Variants in SNED1 observed in about 807,000 individuals in gnomAD.
SNED1 encodes the protein sushi, nidogen and EGF-like domain-containing protein 1.
Under a neutral mutation model 166.7 loss-of-function variants are expected in SNED1, and 81 were observed. The observed-to-expected ratio is 0.49, with a 90% CI of 0.41 to 0.58. The LOEUF (loss-of-function observed/expected upper bound fraction) is 0.58. Among genes scored for constraint, SNED1 ranks in the 20% least tolerant of loss-of-function variants. The pLI is 0.00. For synonymous variants in SNED1, 762 were observed against 822.0 expected (o/e 0.93, Z 1.25); for missense variants, 1,604 against 2,000.2 (o/e 0.80, Z 3.78).
chr2:241,087,941 C>T (rs186624394), intron 30 of SNED1: 5 of 404,246 alleles, frequency 1.2e-5, no homozygotes, highest in Admixed American at 8.4e-5. Context: ...ACCACAGAGT[C>T]GAAGCCTGTC....
At chr2:241,049,997 CCTG>C (rs753907137) in intron 12 of SNED1, 64 bp downstream of exon 12, 143 of 1,176,802 alleles carry the variant, frequency 1.2e-4, no homozygotes, top group Non-Finnish European at 1.8e-4. Context: ...GGTCCGCCGT[CCTG>C]CTTCTCTGCT....
At position 241,064,845 on chromosome 2, in the gene SNED1, G is replaced by T; in HGVS notation, c.2601G>T (p.Val867=). The T allele has an allele frequency of 1.3e-6, 2 of 1,584,240 alleles. No individual in the cohort carries two copies. The highest frequency in any genetic ancestry group is 1.7e-6 in the Non-Finnish European group (2 of 1,170,544). ...CACTGCCACTTTTTCTCCCCTCAGT[G>T]AGTGACCCCTGCTTCTCCAGCCCCT... ...ESFFGYHCET[V]SDPCFSSPCG... The change falls in exon 20 of 32, where the codon GTG becomes GTT. Residue 867 remains valine, a splice_region_variant and synonymous_variant. Coordinates refer to ENST00000310397, the MANE Select transcript of SNED1 (RefSeq NM_001080437.3). The surrounding 1 kb of genome is among the most constrained non-coding windows in gnomAD (Gnocchi z 7.0).
At chr2:241,081,883 G>C in intron 28 of SNED1, 90 bp downstream of exon 28, 1 of 1,001,736 alleles carries the variant, frequency 1.0e-6, no homozygotes, top group Non-Finnish European at 1.5e-6. Flanking sequence ...TTTGCCACGG[G>C]AGCCTCCAAA....
chr2:241,069,026 G>A lies in SNED1; in HGVS notation c.3307+3G>A, dbSNP rs764074544. ...CGCGCCGACGCACGTGTGGACCCGT[G>A]AGTAGAGCAGCGCGGCCCCCGGCAC... is the stretch of plus-strand genomic sequence containing the variant. On this transcript the variant is annotated splice_donor_region_variant and intron_variant, in intron 23 of 31. Coordinates refer to ENST00000310397, the MANE Select transcript of SNED1 (RefSeq NM_001080437.3). This position sits in a 1 kb window ranked among gnomAD's most constrained non-coding sequence, Gnocchi z 4.9. 10 of 1,545,670 alleles carry A rather than the reference G, an allele frequency of 6.5e-6. No individual in the cohort carries two copies. Among genetic ancestry groups the A allele is most frequent in the Admixed American group, 2.0e-5 (1 of 50,622 alleles).
rs553912200 is a variant in SNED1, at chr2:241,018,489, C to T, written c.214-11795C>T. ...TGTTCACTCAGCCCCCTGCACGTCCCGGGGTCTAAGGTGGTCCCTGGTCAG... is the reference window on the plus strand; with the variant it reads ...TGTTCACTCAGCCCCCTGCACGTCCTGGGGTCTAAGGTGGTCCCTGGTCAG... On this transcript the variant is annotated intron_variant, in intron 1 of 31. Coordinates refer to ENST00000310397, the MANE Select transcript of SNED1 (RefSeq NM_001080437.3). This position sits in a 1 kb window ranked among gnomAD's most constrained non-coding sequence, Gnocchi z 5.4. Among the ~76,000 whole-genome samples, 1 of 152,338 alleles carries T rather than the reference C, an allele frequency of 6.6e-6. No homozygotes were observed. Among genetic ancestry groups the T allele is most frequent in the African/African-American group, 2.4e-5 (1 of 41,572 alleles).
At chr2:241,039,661 C>T (rs993510071) in intron 6 of SNED1, among the ~76,000 whole-genome samples, 2 of 152,114 alleles carry the variant, frequency 1.3e-5, no homozygotes, top group African/African-American at 4.8e-5. Flanking sequence ...CCCCAGGGGC[C>T]ACTCCTACAC....
At chr2:241,034,545 C>T (rs762518120) in intron 3 of SNED1, 23 bp from the exon 4 acceptor site, 6 of 1,567,482 alleles carry the variant, frequency 3.8e-6, no homozygotes, top group East Asian at 2.3e-5. Flanking sequence ...GCCTCCCTCA[C>T]TCTGCCCCCA....
intron 1 of SNED1, among the ~76,000 whole-genome samples, chr2:241,011,165 C>A (rs186948474): frequency 0.032 from 4,617 of 142,976 alleles, 140 homozygotes; most frequent in Non-Finnish European, 0.052. Flanking sequence ...CTGGGGGTGG[C>A]AGGTCTCCTG....
rs201928127 is a variant in SNED1 at position 241,013,100 on chromosome 2, A to C, written c.213+14050A>C. On this transcript the variant is annotated intron_variant, in intron 1 of 31. Transcript: ENST00000310397. The surrounding 1 kb of genome is among the most constrained non-coding windows in gnomAD (Gnocchi z 4.6). ...CCGCCTGTCTCAGCCTCCCAAAGTG[A>C]TGGGATTACAGGCGTGAGCCACCGC... Among the ~76,000 whole-genome samples the C allele has an allele frequency of 6.6e-6, 1 of 151,502 alleles. No individual in the cohort carries two copies. The highest frequency in any genetic ancestry group is 1.5e-5 in the Non-Finnish European group (1 of 67,824).
chr2:241,052,470 TGA>T lies in SNED1; in HGVS notation c.2083+6_2083+7del, dbSNP rs1245444420. Reference sequence around the variant, plus strand: ...ACATGGGACGCCGGTGCCAGGCAGGTGAGAGGGTCAGGGGGATCAAGCAGGGT... The same window carrying T: ...ACATGGGACGCCGGTGCCAGGCAGGTGAGGGTCAGGGGGATCAAGCAGGGT... On this transcript the variant is annotated splice_donor_region_variant and intron_variant, in intron 15 of 31. Transcript: ENST00000310397. 6.2e-6 allele frequency: 10 copies of T among 1,603,302 alleles called. No individual in the cohort carries two copies. Among genetic ancestry groups the T allele is most frequent in the Non-Finnish European group, 8.5e-6 (10 of 1,173,848 alleles).
At chr2:241,089,475 C>T (rs556041464) in intron 31 of SNED1, 1 of 1,520,608 alleles carries the variant, frequency 6.6e-7, no homozygotes, top group Non-Finnish European at 8.8e-7. Flanking sequence ...GTCCACACCC[C>T]CTTGGGGGAA....
chr2:241,071,722 TA>T lies in SNED1; in HGVS notation c.3734+3del. 3.8e-6 allele frequency: 4 copies of T among 1,039,404 alleles called. No individual in the cohort carries two copies. Among genetic ancestry groups the T allele is most frequent in the Non-Finnish European group, 5.3e-6 (4 of 753,384 alleles). 64.4% of individuals were successfully genotyped at this position (1,039,404 alleles called of 1,614,324 possible). A position where few individuals can be genotyped will look rare whatever the true frequency, so the allele number is the denominator to read the frequency against. On this transcript the variant is annotated splice_donor_region_variant and intron_variant, in intron 25 of 31. Coordinates refer to ENST00000310397, the MANE Select transcript of SNED1 (RefSeq NM_001080437.3). The stretch of plus-strand genomic sequence containing the variant: ...CGAGACCCCCACCCAGCCCCCCAGG[TA>T]CATGCCCCACCCATCGGCCCCATCG...
intron 30 of SNED1, chr2:241,087,681 C>G: frequency 7.3e-7 from 1 of 1,368,984 alleles, no homozygotes; most frequent in Non-Finnish European, 9.4e-7. Flanking sequence ...AGGGGCACAG[C>G]CGGGCATGCT....
In SNED1 at chr2:241,067,875, C is replaced by T; in HGVS notation, c.3122C>T (p.Ser1041Phe). 1 of 1,613,534 alleles carries T rather than the reference C, an allele frequency of 6.2e-7. No homozygotes were observed. The highest frequency in any genetic ancestry group is 8.5e-7 in the Non-Finnish European group (1 of 1,179,848). The part of the protein sequence containing the change: ...RHATVSGVRV[S>F]IRHPEALRDQ... ...GCCACCGTCAGTGGGGTCCGTGTGT[C>T]CATCCGCCACCCTGAGGCCCTCAGG... The change falls in exon 22 of 32, where the codon TCC (serine) becomes TTC (phenylalanine). Residue 1041 changes from serine to phenylalanine, a missense_variant. Physicochemically the swap from Ser to Phe is radical, Grantham distance 155. This residue lies in a region of SNED1 where 1,237 missense variants were observed against 1,620.8 expected (regional missense o/e 0.76). Coordinates refer to ENST00000310397, the MANE Select transcript of SNED1 (RefSeq NM_001080437.3).
At chr2:241,058,666 T>G (rs775400639) in intron 16 of SNED1, among the ~76,000 whole-genome samples, 1 of 152,174 alleles carries the variant, frequency 6.6e-6, no homozygotes, top group Non-Finnish European at 1.5e-5. Flanking sequence ...ATCATTAAAA[T>G]TGGGCCGGGC....
intron 1 of SNED1, among the ~76,000 whole-genome samples, chr2:241,005,733 T>A (rs2106542357): frequency 6.6e-6 from 1 of 152,316 alleles, no homozygotes; most frequent in East Asian, 1.9e-4. Flanking sequence ...TGTCTTCTGA[T>A]TGGCATAGTT....
rs78834190 is a variant in SNED1, at chr2:241,093,979, C to G, written c.*2343C>G. The G allele has an allele frequency of 1.5e-5, 3 of 200,030 alleles. No individual in the cohort carries two copies. The highest frequency in any genetic ancestry group is 3.1e-5 in the Non-Finnish European group (3 of 96,298). The allele number at this position is 200,030 out of a possible 1,614,324, so 12.4% of individuals were successfully genotyped here. A position where few individuals can be genotyped will look rare whatever the true frequency, so the allele number is the denominator to read the frequency against. On this transcript the variant is annotated 3_prime_UTR_variant, in exon 32 of 32. Transcript: ENST00000310397. ...AACCGGGATGGACTGATCATCTAAC[C>G]AAGTGCAGACTGAGGATTCTACTTA...
Position 241,018,023 on chromosome 2 carries a change from C to T in SNED1, c.214-12261C>T, listed in dbSNP as rs538293505. Among the ~76,000 whole-genome samples, 1 of 152,142 alleles carries T rather than the reference C, an allele frequency of 6.6e-6. No individual in the cohort carries two copies. Among genetic ancestry groups the T allele is most frequent in the Non-Finnish European group, 1.5e-5 (1 of 68,018 alleles). ...TCCCGGGGACCCCCTCAGTTCCAGGCAAACCAAGGTGGTGGGTACCTTGAT... is the reference window on the plus strand; with the variant it reads ...TCCCGGGGACCCCCTCAGTTCCAGGTAAACCAAGGTGGTGGGTACCTTGAT... On this transcript the variant is annotated intron_variant, in intron 1 of 31. Transcript: ENST00000310397. This position sits in a 1 kb window ranked among gnomAD's most constrained non-coding sequence, Gnocchi z 5.4.
chr2:241,078,176 C>A lies in SNED1; in HGVS notation c.3917-3501C>A, dbSNP rs368787166. ...GAGGCGGGCAGATCACCAGGTCAGGCGTTCGAGACAAGTCTGGCCAACGCG... is the reference window on the plus strand; with the variant it reads ...GAGGCGGGCAGATCACCAGGTCAGGAGTTCGAGACAAGTCTGGCCAACGCG... On this transcript the variant is annotated intron_variant, in intron 27 of 31. Coordinates refer to ENST00000310397, the MANE Select transcript of SNED1 (RefSeq NM_001080437.3). Among the ~76,000 whole-genome samples, 1,211 of 149,760 alleles carry A rather than the reference C, an allele frequency of 8.1e-3. 38 individuals carry two copies. Among genetic ancestry groups the A allele is most frequent in the African/African-American group, 0.029 (1,136 of 39,440 alleles).
Sources: gnomAD v4.1 joint callset for allele counts (sites outside exome capture counted in the v4.1 genomes callset) on GRCh38, gnomAD v4.1.1 for gene constraint, gnomAD v4.1.1 regional missense constraint, Gnocchi (gnomAD v3.1) non-coding constraint, MANE v1.5 for transcripts, NCBI Gene and HGNC (gene_info 2026-07-23, HGNC 2026-07-21) for gene names.